CPQ: variants seen among roughly 807,000 people sequenced by gnomAD.
CPQ encodes carboxypeptidase Q.
Under a neutral mutation model 45.7 loss-of-function variants are expected in CPQ, and 37 were observed. The observed-to-expected ratio is 0.81, with a 90% CI of 0.62 to 1.07. The LOEUF is 1.07. CPQ is among the 50% of genes least tolerant of loss of function. CPQ has a pLI of 0.00. For missense variants in CPQ, 537 were observed against 572.9 expected, an observed-to-expected ratio of 0.94 and a Z score of 0.64; for synonymous variants, 186 against 205.8, an observed-to-expected ratio of 0.90 and a Z score of 0.82.
At chr8:96,996,257 T>C (rs905540590) in intron 5 of CPQ, among the ~76,000 whole-genome samples, 1 of 151,936 alleles carries the variant, frequency 6.6e-6, no homozygotes, top group Non-Finnish European at 1.5e-5. Flanking sequence ...AGAGAACATA[T>C]AGATCATGAA....
At position 96,835,139 on chromosome 8, in the gene CPQ, G is replaced by C; in HGVS notation, c.600G>C (p.Leu200Phe). The C allele has an allele frequency of 6.4e-7, 1 of 1,566,246 alleles. No homozygotes were observed. The highest frequency in any genetic ancestry group is 8.7e-7 in the Non-Finnish European group (1 of 1,152,754). The change falls in exon 3 of 8, where the codon TTG (leucine) becomes TTC (phenylalanine). Residue 200 changes from leucine to phenylalanine, a missense_variant. By Grantham distance (22) the Leu-to-Phe change is conservative. Transcript: ENST00000220763. ...TGGAAGCTGCCAAGGTGGGGGCTTT[G>C]GCATCTCTCATTCGATCCGTGGCCT... The part of the protein sequence containing the change: ...GAVEAAKVGA[L>F]ASLIRSVASF...
intron 1 of CPQ, among the ~76,000 whole-genome samples, chr8:96,664,965 A>G (rs1808900133): frequency 6.6e-6 from 1 of 152,232 alleles, no homozygotes; most frequent in Admixed American, 6.5e-5. Context: ...CATCCATATG[A>G]CAGCAATGCT....
At chr8:97,067,833 G>GATAA (rs143418644) in intron 7 of CPQ, among the ~76,000 whole-genome samples, 2 of 152,306 alleles carry the variant, frequency 1.3e-5, no homozygotes, top group African/African-American at 4.8e-5. Flanking sequence ...ATGTGTCATT[G>GATAA]ATAAACATGA....
intron 7 of CPQ, among the ~76,000 whole-genome samples, chr8:97,139,756 G>A (rs1405801395): frequency 6.6e-6 from 1 of 152,030 alleles, no homozygotes; most frequent in African/African-American, 2.4e-5. Context: ...GAAGATTATA[G>A]CCTTACTGCT....
chr8:97,072,525 G>A (rs747256403), intron 7 of CPQ, among the ~76,000 whole-genome samples: 10 of 152,062 alleles, frequency 6.6e-5, no homozygotes, highest in East Asian at 5.8e-4. Flanking sequence ...CATCCAAATC[G>A]GTAAAGAGGA....
At chr8:96,996,790 AC>A (rs1183528361) in intron 5 of CPQ, among the ~76,000 whole-genome samples, 1 of 151,930 alleles carries the variant, frequency 6.6e-6, no homozygotes, top group Non-Finnish European at 1.5e-5. Context: ...AGGTCATAAC[AC>A]TGGGGGAGGT....
At chr8:96,901,294 G>A (rs1345023889) in intron 4 of CPQ, among the ~76,000 whole-genome samples, 2 of 152,148 alleles carry the variant, frequency 1.3e-5, no homozygotes, top group Admixed American at 6.5e-5. Context: ...GGGCTGCATT[G>A]CAACTTGATT....
chr8:96,874,581 G>T (rs1210062210), intron 3 of CPQ, among the ~76,000 whole-genome samples: 1 of 151,556 alleles, frequency 6.6e-6, no homozygotes, highest in Non-Finnish European at 1.5e-5. Flanking sequence ...CATACAAATG[G>T]AATCTTGCAA....
chr8:96,901,596 C>T (rs1456372022), intron 4 of CPQ, among the ~76,000 whole-genome samples: 1 of 152,146 alleles, frequency 6.6e-6, no homozygotes, highest in Non-Finnish European at 1.5e-5. Context: ...AAAGCTCATG[C>T]AGTAGAAAGT....
At chr8:96,958,619 T>C (rs1377535132) in intron 4 of CPQ, among the ~76,000 whole-genome samples, 2 of 152,160 alleles carry the variant, frequency 1.3e-5, no homozygotes, top group Non-Finnish European at 2.9e-5. Flanking sequence ...GCAATCACAT[T>C]TTATAAATCT....
At chr8:96,955,755 C>T (rs981104622) in intron 4 of CPQ, among the ~76,000 whole-genome samples, 7 of 152,094 alleles carry the variant, frequency 4.6e-5, no homozygotes. Flanking sequence ...ACAAACCTGA[C>T]AAAAACAAGA....
At position 96,804,750 on chromosome 8, in the gene CPQ, G is replaced by T. The variant is rs531614448; in HGVS notation, c.433+19420G>T. 1.1e-3 allele frequency among the ~76,000 whole-genome samples: 174 copies of T among 151,520 alleles called. 2 individuals carry two copies. The highest frequency in any genetic ancestry group is 4.0e-3 in the African/African-American group (165 of 41,322). The stretch of plus-strand genomic sequence containing the variant: ...TTGTAAACTATGTCAGTCTTACTAT[G>T]ATTCAAAGGACATTAAAGCAAATGG... On this transcript the variant is annotated intron_variant, in intron 2 of 7. Transcript: ENST00000220763.
intron 5 of CPQ, among the ~76,000 whole-genome samples, chr8:97,026,932 T>C (rs1035390882): frequency 6.6e-6 from 1 of 152,252 alleles, no homozygotes; most frequent in African/African-American, 2.4e-5. Flanking sequence ...CTGTAGCCTG[T>C]GCTGCCTGTT....
intron 2 of CPQ, among the ~76,000 whole-genome samples, chr8:96,828,928 G>A (rs1423025990): frequency 6.6e-6 from 1 of 152,084 alleles, no homozygotes; most frequent in African/African-American, 2.4e-5. Context: ...TGGATTTTAA[G>A]GCAATCCAAT....
At chr8:96,838,408 G>A (rs1811559390) in intron 3 of CPQ, among the ~76,000 whole-genome samples, 1 of 152,088 alleles carries the variant, frequency 6.6e-6, no homozygotes, top group South Asian at 2.1e-4. Flanking sequence ...TGACGCATAA[G>A]GGGATAGAGA....
chr8:97,019,132 C>A (rs557405295), intron 5 of CPQ, among the ~76,000 whole-genome samples: 1 of 152,228 alleles, frequency 6.6e-6, no homozygotes, highest in African/African-American at 2.4e-5. Context: ...CGAAATTAAG[C>A]TTCATAAATG....
At chr8:96,799,621 A>G (rs571517492) in intron 2 of CPQ, among the ~76,000 whole-genome samples, 7 of 152,180 alleles carry the variant, frequency 4.6e-5, no homozygotes, top group Non-Finnish European at 8.8e-5. Flanking sequence ...TTCTCTCTGT[A>G]TCAAATTAGG....
chr8:96,731,839 A>G (rs550258783), intron 1 of CPQ, among the ~76,000 whole-genome samples: 1 of 152,164 alleles, frequency 6.6e-6, no homozygotes, highest in Non-Finnish European at 1.5e-5. Context: ...AAACATGAAC[A>G]TATTCTTCCC....
intron 4 of CPQ, among the ~76,000 whole-genome samples, chr8:96,959,906 A>AG (rs1192095844): frequency 1.3e-5 from 2 of 151,730 alleles, no homozygotes; most frequent in East Asian, 3.9e-4. Context: ...AAAAAAAAAA[A>AG]AAAACCAAAA....
Sources: allele counts gnomAD v4.1 joint callset (sites outside exome capture counted in the v4.1 genomes callset), GRCh38; gene constraint gnomAD v4.1.1; transcripts MANE v1.5; gene names NCBI Gene and HGNC (gene_info 2026-07-23, HGNC 2026-07-21).